The following ERBB4 variants were observed in gnomAD, a reference collection of about 807,000 sequenced individuals.
ERBB4 encodes receptor tyrosine-protein kinase erbB-4.
A neutral mutation model predicts 158.0 loss-of-function variants in ERBB4; 42 were observed. The ratio of observed to expected loss-of-function variants is 0.27; its 90% confidence interval spans 0.21 to 0.34. The LOEUF (loss-of-function observed/expected upper bound fraction) is 0.34, where lower values mean the gene tolerates loss of function less well. Among genes scored for constraint, ERBB4 ranks in the 10% least tolerant of loss-of-function variants. The probability of loss-of-function intolerance (pLI) is 1.00; values close to 1 mark genes in which losing one functional copy is unlikely to be tolerated. For synonymous variants in ERBB4, 583 were observed against 558.7 expected (o/e 1.04, Z -0.61); for missense variants, 1,333 against 1,624.1 (o/e 0.82, Z 3.08).
At chr2:211,638,945 C>G (rs2070463991) in intron 16 of ERBB4, among the ~76,000 whole-genome samples, 1 of 152,056 alleles carries the variant, frequency 6.6e-6, no homozygotes, top group African/African-American at 2.4e-5. Context: ...GGCAAACATT[C>G]TCATGTTAAG....
intron 3 of ERBB4, among the ~76,000 whole-genome samples, chr2:211,809,643 C>A (rs1278922304): frequency 6.6e-6 from 1 of 152,068 alleles, no homozygotes; most frequent in East Asian, 1.9e-4. Flanking sequence ...AAAACCAGGT[C>A]CTGGATTCAC....
chr2:211,991,046 A>C (rs988862304), intron 2 of ERBB4, among the ~76,000 whole-genome samples: 1 of 151,974 alleles, frequency 6.6e-6, no homozygotes, highest in Non-Finnish European at 1.5e-5. Flanking sequence ...TCAATATCCA[A>C]CAGTAATTCA....
intron 20 of ERBB4, among the ~76,000 whole-genome samples, chr2:211,443,416 G>C (rs11676241): frequency 0.3 from 45,474 of 151,812 alleles, 7,354 homozygotes; most frequent in Middle Eastern, 0.37. Context: ...TGGGCTTTGG[G>C]CTAAATGCTA....
chr2:212,363,520 T>A (rs1415466725), intron 1 of ERBB4, among the ~76,000 whole-genome samples: 2 of 151,532 alleles, frequency 1.3e-5, no homozygotes, highest in African/African-American at 4.8e-5. Flanking sequence ...TCACATTTAA[T>A]CTGAACTTCA....
At position 211,657,753 on chromosome 2, in the gene ERBB4, C is replaced by A; in HGVS notation, c.1946+1G>T. 1 of 1,609,354 alleles carries A rather than the reference C, an allele frequency of 6.2e-7. No homozygotes were observed. Among genetic ancestry groups the A allele is most frequent in the Non-Finnish European group, 8.5e-7 (1 of 1,175,660 alleles). The stretch of plus-strand genomic sequence containing the variant: ...CAAAATGGAAACATGGTAGATGTTA[C>A]CTAGCATGTTGTGGTAAAGTGGAAT... On this transcript the variant is annotated splice_donor_variant, in intron 16 of 27. Coordinates refer to ENST00000342788, the MANE Select transcript of ERBB4 (RefSeq NM_005235.3). LOFTEE classifies it high-confidence loss of function.
At chr2:212,511,372 G>C (rs1236678517) in intron 1 of ERBB4, among the ~76,000 whole-genome samples, 3 of 152,182 alleles carry the variant, frequency 2.0e-5, no homozygotes, top group Non-Finnish European at 4.4e-5. Context: ...GCAGTGTTCA[G>C]TGGATAATCA....
intron 2 of ERBB4, among the ~76,000 whole-genome samples, chr2:212,008,226 C>T (rs889008279): frequency 6.6e-6 from 1 of 151,964 alleles, no homozygotes; most frequent in Non-Finnish European, 1.5e-5. Context: ...TTACACATTA[C>T]AAAATGCAAA....
chr2:211,723,006 G>A lies in ERBB4; in HGVS notation c.742-472C>T, dbSNP rs533283974. ...AAACATTGTGATGGTGATTTATATC[G>A]GACTTAAAGAAAAGGCTCTGGCTGG... On this transcript the variant is annotated intron_variant, in intron 6 of 27. Coordinates refer to ENST00000342788, the MANE Select transcript of ERBB4 (RefSeq NM_005235.3). Among the ~76,000 whole-genome samples, 7 of 152,068 alleles carry A rather than the reference G, an allele frequency of 4.6e-5. No homozygotes were observed. The East Asian group carries it at 1.2e-3, about 25-fold the overall frequency.
At chr2:211,585,298 G>A (rs2068237654) in intron 19 of ERBB4, among the ~76,000 whole-genome samples, 1 of 149,618 alleles carries the variant, frequency 6.7e-6, no homozygotes, top group African/African-American at 2.5e-5. Context: ...CTTGTAGTGA[G>A]CGGAGATTGT....
intron 4 of ERBB4, among the ~76,000 whole-genome samples, chr2:211,768,507 T>C (rs889554816): frequency 2.0e-5 from 3 of 152,204 alleles, no homozygotes; most frequent in African/African-American, 7.2e-5. Context: ...AACAAACTTC[T>C]TCCTGGACAT....
intron 3 of ERBB4, among the ~76,000 whole-genome samples, chr2:211,944,208 A>ATATATATATATATAG (rs1559155364): frequency 3.1e-4 from 6 of 19,466 alleles, no homozygotes; most frequent in East Asian, 1.4e-3. Flanking sequence ...TACTATATAT[A>ATATATATATATATAG]TATATACACA....
At chr2:212,077,344 T>C (rs2078305362) in intron 2 of ERBB4, among the ~76,000 whole-genome samples, 1 of 152,002 alleles carries the variant, frequency 6.6e-6, no homozygotes, top group Non-Finnish European at 1.5e-5. Flanking sequence ...GCAGTGTTAG[T>C]CATGTTAGAC....
chr2:212,115,681 A>AT (rs1054552888), intron 2 of ERBB4, among the ~76,000 whole-genome samples: 12 of 151,868 alleles, frequency 7.9e-5, no homozygotes, highest in Admixed American at 2.6e-4. Context: ...ATTTTGTTTC[A>AT]TTTTTTTTGT....
chr2:212,353,919 T>A (rs1440871480), intron 1 of ERBB4, among the ~76,000 whole-genome samples: 2 of 152,138 alleles, frequency 1.3e-5, no homozygotes, highest in Non-Finnish European at 2.9e-5. Flanking sequence ...CCTTTCTTCT[T>A]CTTATACAGG....
At chr2:212,260,845 C>T (rs2084918587) in intron 1 of ERBB4, among the ~76,000 whole-genome samples, 1 of 151,918 alleles carries the variant, frequency 6.6e-6, no homozygotes, top group Non-Finnish European at 1.5e-5. Flanking sequence ...GGCACTCTAA[C>T]TGTCTCTATA....
At chr2:212,537,141 C>CGGA (rs1693122524) in intron 1 of ERBB4, among the ~76,000 whole-genome samples, 1 of 123,098 alleles carries the variant, frequency 8.1e-6, no homozygotes, top group South Asian at 2.3e-4. Flanking sequence ...GAGGCGGCGG[C>CGGA]GGCGGCGGCG....
At chr2:212,381,511 T>G (rs1473151938) in intron 1 of ERBB4, among the ~76,000 whole-genome samples, 1 of 151,366 alleles carries the variant, frequency 6.6e-6, no homozygotes, top group Non-Finnish European at 1.5e-5. Context: ...TGTTTTCTCC[T>G]CTAACCTAAA....
intron 20 of ERBB4, among the ~76,000 whole-genome samples, chr2:211,475,602 C>T (rs2064934803): frequency 6.6e-6 from 1 of 151,998 alleles, no homozygotes; most frequent in Non-Finnish European, 1.5e-5. Flanking sequence ...TACCGTATAA[C>T]CTCGTTGTTT....
At chr2:211,613,970 T>C (rs1439501583) in intron 19 of ERBB4, among the ~76,000 whole-genome samples, 3 of 152,040 alleles carry the variant, frequency 2.0e-5, no homozygotes, top group Non-Finnish European at 4.4e-5. Context: ...TCTGCACTCC[T>C]ATGATTGTTG....
Sources: gnomAD v4.1 joint callset for allele counts (sites outside exome capture counted in the v4.1 genomes callset) on GRCh38, gnomAD v4.1.1 for gene constraint, MANE v1.5 for transcripts, NCBI Gene and HGNC (gene_info 2026-07-23, HGNC 2026-07-21) for gene names.